Variants in ARHGAP18 observed in about 807,000 individuals in gnomAD.
The protein encoded by ARHGAP18 is rho GTPase-activating protein 18.
Under a neutral mutation model 86.2 loss-of-function variants are expected in ARHGAP18, and 67 were observed. That is an observed-to-expected ratio of 0.78 (90% CI 0.64 to 0.95). The LOEUF is 0.95. Ranked by LOEUF, ARHGAP18 falls within the 40% of genes least tolerant of loss-of-function variation. The pLI, the probability that ARHGAP18 is intolerant of heterozygous loss-of-function variation, is 0.00. For synonymous variants in ARHGAP18, 283 were observed against 280.4 expected (o/e 1.01, Z -0.09); for missense variants, 691 against 780.4 (o/e 0.89, Z 1.37).
At chr6:129,671,802 A>G (rs1290030702) in intron 1 of ARHGAP18, among the ~76,000 whole-genome samples, 1 of 152,208 alleles carries the variant, frequency 6.6e-6, no homozygotes, top group Non-Finnish European at 1.5e-5. Flanking sequence ...AGGTCATTCT[A>G]GACACCAGAC....
At chr6:129,641,701 T>C in intron 2 of ARHGAP18, 115 bp downstream of exon 2, 2 of 931,086 alleles carry the variant, frequency 2.1e-6, no homozygotes, top group Non-Finnish European at 3.2e-6. Context: ...TGAAAGGCAG[T>C]ATCTTTTTTT....
intron 1 of ARHGAP18, among the ~76,000 whole-genome samples, chr6:129,703,725 T>C (rs549814101): frequency 6.6e-6 from 1 of 152,216 alleles, no homozygotes; most frequent in East Asian, 1.9e-4. Flanking sequence ...GAAGAAACTA[T>C]GGATAGGGTT....
intron 1 of ARHGAP18, among the ~76,000 whole-genome samples, chr6:129,667,753 T>A (rs1774069012): frequency 6.6e-6 from 1 of 152,006 alleles, no homozygotes; most frequent in African/African-American, 2.4e-5. Context: ...AGCAGGCTCT[T>A]GGCCAAGGAC....
At chr6:129,607,112 A>G (rs1352949704) in intron 9 of ARHGAP18, among the ~76,000 whole-genome samples, 1 of 152,096 alleles carries the variant, frequency 6.6e-6, no homozygotes, top group African/African-American at 2.4e-5. Context: ...TGCCCGCCTC[A>G]GCCTCCCAAA....
intron 8 of ARHGAP18, among the ~76,000 whole-genome samples, chr6:129,611,177 C>T (rs1467006932): frequency 6.6e-6 from 1 of 152,232 alleles, no homozygotes; most frequent in Admixed American, 6.5e-5. Flanking sequence ...GCTAGGATTA[C>T]AGGTGTGAAC....
chr6:129,673,637 C>A (rs926106860), intron 1 of ARHGAP18, among the ~76,000 whole-genome samples: 3 of 152,068 alleles, frequency 2.0e-5, no homozygotes, highest in Non-Finnish European at 4.4e-5. Context: ...TGATCAGATT[C>A]AATTATTTCT....
rs1194143002 is a variant in ARHGAP18, at chr6:129,578,467, AATT to A, written c.*43_*45del. On this transcript the variant is annotated 3_prime_UTR_variant, in exon 15 of 15. Transcript: ENST00000368149. ...TTATTTACACTCTTGACTCAGCAAG[AATT>A]ATGACAGAAGTCCACATGGTTATCT... 2.7e-6 allele frequency: 4 copies of A among 1,488,238 alleles called. No individual in the cohort carries two copies. The highest frequency in any genetic ancestry group is 2.8e-6 in the Non-Finnish European group (3 of 1,071,870). The allele number at this position is 1,488,238 out of a possible 1,614,324, so 92.2% of individuals were successfully genotyped here.
chr6:129,597,187 C>G (rs567107410), intron 12 of ARHGAP18, among the ~76,000 whole-genome samples: 2 of 151,550 alleles, frequency 1.3e-5, no homozygotes, highest in South Asian at 4.2e-4. Context: ...ACTCTGTCAC[C>G]CAAACTGGAG....
chr6:129,686,843 T>C (rs1284910313), intron 1 of ARHGAP18, among the ~76,000 whole-genome samples: 3 of 149,080 alleles, frequency 2.0e-5, no homozygotes. Context: ...CAGGCCGGTG[T>C]GCAATGGCGC....
rs1218471131 is a variant in ARHGAP18, at chr6:129,679,256, G to T, written c.113+30768C>A. Among the ~76,000 whole-genome samples, 6 of 152,286 alleles carry T rather than the reference G, an allele frequency of 3.9e-5. No homozygotes were observed. The South Asian group carries it at 6.2e-4, about 16-fold the overall frequency. On this transcript the variant is annotated intron_variant, in intron 1 of 14. Coordinates refer to ENST00000368149, the MANE Select transcript of ARHGAP18 (RefSeq NM_033515.3). The stretch of plus-strand genomic sequence containing the variant: ...CCAATTAATATTGATTCTTCAATCA[G>T]TCTAAACTAGTGCCATCTGTCATCT...
In ARHGAP18 at chr6:129,616,303, T is replaced by G. The variant is rs1268013869; in HGVS notation, c.953A>C (p.Asp318Ala). The change falls in exon 7 of 15, where the codon GAT (aspartate) becomes GCT (alanine). Residue 318 changes from aspartate (D) to alanine (A), a missense_variant and splice_region_variant. Coordinates refer to ENST00000368149, the MANE Select transcript of ARHGAP18 (RefSeq NM_033515.3). ...CAATGGAACGCAAAAAAGACCAGAA[T>G]CTGCAAGAAAAAAAATGAAATTTCC... ...QQKAVKIKTK[D>A]SGLFCVPLTA... is the part of the protein sequence containing the mutation. 2 of 1,605,818 alleles carry G rather than the reference T, an allele frequency of 1.2e-6. No homozygotes were observed. Among genetic ancestry groups the G allele is most frequent in the Non-Finnish European group, 8.5e-7 (1 of 1,176,720 alleles).
intron 1 of ARHGAP18, among the ~76,000 whole-genome samples, chr6:129,702,451 A>T (rs1025423400): frequency 2.0e-5 from 3 of 152,188 alleles, no homozygotes; most frequent in African/African-American, 4.8e-5. Context: ...TATCAACTGA[A>T]TAAAACATTT....
At chr6:129,592,500 AAAGC>A (rs1335522523) in intron 12 of ARHGAP18, among the ~76,000 whole-genome samples, 83 of 152,328 alleles carry the variant, frequency 5.4e-4, no homozygotes, top group African/African-American at 1.9e-3. Context: ...TAAGCTCTCT[AAAGC>A]TTGAGTTCCT....
chr6:129,661,732 G>T, intron 1 of ARHGAP18: 1 of 293,748 alleles, frequency 3.4e-6, no homozygotes, highest in Non-Finnish European at 5.1e-6. Context: ...AGCAAGGTGA[G>T]ATTCATGTGA....
intron 10 of ARHGAP18, among the ~76,000 whole-genome samples, chr6:129,604,212 CTT>C (rs1788807396): frequency 1.3e-5 from 2 of 148,522 alleles, no homozygotes; most frequent in African/African-American, 5.0e-5. Flanking sequence ...TCCCCCCCCC[CTT>C]AATTATAAAA....
intron 1 of ARHGAP18, among the ~76,000 whole-genome samples, chr6:129,700,009 TG>T (rs1267644142): frequency 6.6e-6 from 1 of 152,130 alleles, no homozygotes; most frequent in African/African-American, 2.4e-5. Flanking sequence ...GGGAAGGAGA[TG>T]GGGCACAGAG....
intron 1 of ARHGAP18, among the ~76,000 whole-genome samples, chr6:129,682,694 T>TGG (rs915061172): frequency 4.6e-4 from 70 of 152,348 alleles, no homozygotes; most frequent in African/African-American, 1.6e-3. Flanking sequence ...ACAGCCTGCC[T>TGG]GGCATTAACT....
intron 1 of ARHGAP18, among the ~76,000 whole-genome samples, chr6:129,666,337 T>A (rs139268337): frequency 7.9e-5 from 12 of 152,342 alleles, no homozygotes; most frequent in African/African-American, 2.6e-4. Flanking sequence ...ACGGCAAGTG[T>A]CTAGCCACAC....
intron 1 of ARHGAP18, among the ~76,000 whole-genome samples, chr6:129,708,650 A>G (rs1358537835): frequency 6.6e-6 from 1 of 152,238 alleles, no homozygotes; most frequent in East Asian, 1.9e-4. Flanking sequence ...TCCTCAGGCC[A>G]TTCAGCCTAA....
Sources: allele counts gnomAD v4.1 joint callset (sites outside exome capture counted in the v4.1 genomes callset), GRCh38; gene constraint gnomAD v4.1.1; transcripts MANE v1.5; gene names NCBI Gene and HGNC (gene_info 2026-07-23, HGNC 2026-07-21).